ZNF423: variants seen among roughly 807,000 people sequenced by gnomAD.
ZNF423 encodes Ebf-associated zinc finger protein.
A neutral mutation model predicts 95.8 loss-of-function variants in ZNF423; 12 were observed. The observed-to-expected ratio is 0.13, with a 90% confidence interval of 0.08 to 0.20. ZNF423 has a LOEUF of 0.20. ZNF423 is among the 10% of genes least tolerant of loss of function. ZNF423 has a pLI of 1.00. For synonymous variants in ZNF423, 749 were observed against 711.9 expected (o/e 1.05, Z -0.83); for missense variants, 1,316 against 1,737.1 (o/e 0.76, Z 4.31).
intron 1 of ZNF423, chr16:49,854,732 C>T (rs1313742219): frequency 3.0e-5 from 30 of 985,322 alleles, no homozygotes; most frequent in African/African-American, 5.2e-5. Flanking sequence ...CTGCTGCCGG[C>T]GCGCGGCCTT....
At chr16:49,710,432 A>G (rs2032506642) in intron 3 of ZNF423, among the ~76,000 whole-genome samples, 5 of 152,198 alleles carry the variant, frequency 3.3e-5, no homozygotes, top group Admixed American at 3.3e-4. Context: ...CTGCATTTTC[A>G]TAAGATTCCA....
At chr16:49,793,103 AC>A (rs1198317163) in intron 1 of ZNF423, among the ~76,000 whole-genome samples, 1 of 150,862 alleles carries the variant, frequency 6.6e-6, no homozygotes, top group Non-Finnish European at 1.5e-5. Context: ...TCAACACCCA[AC>A]CCCCCACCAC....
Position 49,636,568 on chromosome 16 carries a change from G to A in ZNF423, c.2608C>T (p.Leu870=), listed in dbSNP as rs774348975. Residue 870 remains leucine, a synonymous_variant, in exon 4 of 8, where the codon CTG becomes TTG. Coordinates refer to ENST00000563137, the MANE Select transcript of ZNF423 (RefSeq NM_001379286.1). This position sits in a 1 kb window ranked among gnomAD's most constrained non-coding sequence, Gnocchi z 8.6. Reference sequence around the variant, plus strand: ...TTAGGTGCCTCAGGGTTCTTAAGCAGCATGCCCTGCAGGTCAGCAGGCTCA... The same window carrying A: ...TTAGGTGCCTCAGGGTTCTTAAGCAACATGCCCTGCAGGTCAGCAGGCTCA... The part of the protein sequence containing the change: ...KAEPADLQGM[L]LKNPEAPNSH... 3 of 1,614,012 alleles carry A rather than the reference G, an allele frequency of 1.9e-6. No homozygotes were observed. Among genetic ancestry groups the A allele is most frequent in the Non-Finnish European group, 2.5e-6 (3 of 1,180,018 alleles).
chr16:49,518,140 T>G (rs1411491714), intron 7 of ZNF423: 3 of 403,974 alleles, frequency 7.4e-6, no homozygotes, highest in Non-Finnish European at 1.5e-5. Flanking sequence ...TTATATCTTG[T>G]TATATTTATG....
chr16:49,615,539 C>T (rs935039904), intron 5 of ZNF423, among the ~76,000 whole-genome samples: 4 of 152,200 alleles, frequency 2.6e-5, no homozygotes, highest in African/African-American at 7.2e-5. Context: ...CAGAAAGGCA[C>T]GCAGGCTAGG....
At chr16:49,680,710 G>A (rs2031315782) in intron 3 of ZNF423, among the ~76,000 whole-genome samples, 1 of 152,230 alleles carries the variant, frequency 6.6e-6, no homozygotes, top group Admixed American at 6.5e-5. Flanking sequence ...CAGCATGCCT[G>A]GCTGTGTGAA....
chr16:49,605,324 C>T (rs1971503662), intron 5 of ZNF423, among the ~76,000 whole-genome samples: 1 of 152,212 alleles, frequency 6.6e-6, no homozygotes, highest in Non-Finnish European at 1.5e-5. Flanking sequence ...TGAGATGGAA[C>T]TTGGGCGGGT....
intron 1 of ZNF423, among the ~76,000 whole-genome samples, chr16:49,838,072 T>C (rs779382491): frequency 1.1e-4 from 16 of 152,156 alleles, no homozygotes; most frequent in Non-Finnish European, 2.2e-4. Context: ...ATGAATGAAG[T>C]CAAGAAGGAT....
chr16:49,706,536 C>T (rs1019918709), intron 3 of ZNF423, among the ~76,000 whole-genome samples: 6 of 152,270 alleles, frequency 3.9e-5, no homozygotes, highest in African/African-American at 1.4e-4. Context: ...CCCAGGGCCA[C>T]TCCACCGCCT....
chr16:49,740,265 G>A (rs969449092), intron 2 of ZNF423, among the ~76,000 whole-genome samples: 2 of 152,164 alleles, frequency 1.3e-5, no homozygotes, highest in Non-Finnish European at 2.9e-5. Flanking sequence ...CTGAATCTGA[G>A]CACCAGGTCA....
intron 3 of ZNF423, among the ~76,000 whole-genome samples, chr16:49,650,566 G>A (rs1364171907): frequency 6.6e-6 from 1 of 152,172 alleles, no homozygotes; most frequent in African/African-American, 2.4e-5. Flanking sequence ...CTGTGCAGTG[G>A]TGGTGGTCAT....
intron 3 of ZNF423, among the ~76,000 whole-genome samples, chr16:49,642,886 T>A (rs1041849074): frequency 2.5e-4 from 37 of 148,014 alleles, no homozygotes; most frequent in Non-Finnish European, 5.3e-4. Context: ...AGTGGTGTGA[T>A]CTCGGCTCAC....
intron 3 of ZNF423, among the ~76,000 whole-genome samples, chr16:49,657,059 A>G (rs938687940): frequency 3.3e-5 from 5 of 152,182 alleles, no homozygotes; most frequent in African/African-American, 1.2e-4. Flanking sequence ...TCAGGGGCAC[A>G]AGCATTCTGC....
Position 49,730,817 on chromosome 16 carries a change from C to T in ZNF423, c.255G>A (p.Glu85=). The part of the protein sequence containing the change: ...YTCDHCQQDF[E]SLADLTDHRA... Reference sequence around the variant, plus strand: ...GGTGGTCCGTCAGGTCTGCCAGAGACTCGAAGTCCTGCTGACAGTGATCGC... The same window carrying T: ...GGTGGTCCGTCAGGTCTGCCAGAGATTCGAAGTCCTGCTGACAGTGATCGC... The change falls in exon 3 of 8, where the codon GAG becomes GAA. Residue 85 remains glutamate, a synonymous_variant. Coordinates refer to ENST00000563137, the MANE Select transcript of ZNF423 (RefSeq NM_001379286.1). 1.2e-6 allele frequency: 2 copies of T among 1,614,200 alleles called. No homozygotes were observed. Among genetic ancestry groups the T allele is most frequent in the Non-Finnish European group, 1.7e-6 (2 of 1,180,036 alleles).
intron 3 of ZNF423, among the ~76,000 whole-genome samples, chr16:49,708,679 G>A (rs1048679662): frequency 6.6e-6 from 1 of 152,096 alleles, no homozygotes; most frequent in South Asian, 2.1e-4. Flanking sequence ...GACCCAACAC[G>A]TGCTACCCGC....
chr16:49,848,259 C>T (rs1045010332), intron 1 of ZNF423, among the ~76,000 whole-genome samples: 1 of 152,154 alleles, frequency 6.6e-6, no homozygotes, highest in African/African-American at 2.4e-5. Flanking sequence ...CAGGAATATG[C>T]AATTTAACCA....
chr16:49,539,583 T>A (rs1969178190), intron 5 of ZNF423, among the ~76,000 whole-genome samples: 1 of 152,104 alleles, frequency 6.6e-6, no homozygotes, highest in African/African-American at 2.4e-5. Context: ...ATCATAACTG[T>A]TGGGAGATGA....
chr16:49,505,049 T>C (rs1967575981), intron 7 of ZNF423, among the ~76,000 whole-genome samples: 1 of 152,176 alleles, frequency 6.6e-6, no homozygotes, highest in African/African-American at 2.4e-5. Flanking sequence ...CATGACATGT[T>C]TTGCCAGGTT....
Position 49,547,764 on chromosome 16 carries a change from C to A in ZNF423, c.3602-22270G>T, listed in dbSNP as rs530794259. Among the ~76,000 whole-genome samples the A allele has an allele frequency of 3.9e-5, 6 of 152,240 alleles. No homozygotes were observed. The South Asian group carries it at 1.2e-3, about 31-fold the overall frequency. ...GGCTTCTCGCAAAAGTCGCTCTTGACGATAATGGCTTTAGGAGGCTATGCA... is the reference window on the plus strand; with the variant it reads ...GGCTTCTCGCAAAAGTCGCTCTTGAAGATAATGGCTTTAGGAGGCTATGCA... On this transcript the variant is annotated intron_variant, in intron 5 of 7. Coordinates refer to ENST00000563137, the MANE Select transcript of ZNF423 (RefSeq NM_001379286.1).
Sources: gnomAD v4.1 joint callset for allele counts (sites outside exome capture counted in the v4.1 genomes callset) on GRCh38, gnomAD v4.1.1 for gene constraint, Gnocchi (gnomAD v3.1) non-coding constraint, MANE v1.5 for transcripts, NCBI Gene and HGNC (gene_info 2026-07-23, HGNC 2026-07-21) for gene names.